Variants in IQCJ observed in about 807,000 individuals in gnomAD.
IQCJ encodes IQ motif containing J.
In IQCJ, 9 loss-of-function variants were observed where a neutral mutation model predicts 11.0. That is an observed-to-expected ratio of 0.82 (90% CI 0.49 to 1.43). The LOEUF (loss-of-function observed/expected upper bound fraction) is 1.43, where lower values mean the gene tolerates loss of function less well. Among genes scored for constraint, IQCJ ranks in the 40% most tolerant of loss-of-function variants. IQCJ has a pLI of 0.00. For missense variants in IQCJ, 146 were observed against 133.2 expected, an observed-to-expected ratio of 1.10 and a Z score of -0.47; for synonymous variants, 55 against 51.3, an observed-to-expected ratio of 1.07 and a Z score of -0.31.
intron 1 of IQCJ, among the ~76,000 whole-genome samples, chr3:159,182,588 T>A (rs1202226215): frequency 6.6e-6 from 1 of 151,802 alleles, no homozygotes; most frequent in African/African-American, 2.4e-5. Context: ...TTTTAAGGGC[T>A]CACAACTCTA....
chr3:159,134,724 C>G (rs1210455153), intron 1 of IQCJ, among the ~76,000 whole-genome samples: 1 of 152,126 alleles, frequency 6.6e-6, no homozygotes, highest in Non-Finnish European at 1.5e-5. Context: ...GAAGACCAGC[C>G]CCACTTCCAC....
intron 1 of IQCJ, among the ~76,000 whole-genome samples, chr3:159,146,839 A>T (rs1039871396): frequency 2.6e-5 from 4 of 152,250 alleles, no homozygotes; most frequent in Non-Finnish European, 5.9e-5. Flanking sequence ...TGATTCCATC[A>T]CATATTTCAG....
intron 1 of IQCJ, among the ~76,000 whole-genome samples, chr3:159,194,897 G>A (rs1451509851): frequency 6.6e-6 from 1 of 152,136 alleles, no homozygotes; most frequent in Non-Finnish European, 1.5e-5. Context: ...CAGACCATGA[G>A]GTTAGGAGTT....
chr3:159,139,598 G>T (rs538376411), intron 1 of IQCJ, among the ~76,000 whole-genome samples: 10 of 152,314 alleles, frequency 6.6e-5, no homozygotes, highest in Non-Finnish European at 1.3e-4. Context: ...GTGGTAACAA[G>T]TTGCCAGCTG....
chr3:159,177,633 A>G (rs1722865685), intron 1 of IQCJ, among the ~76,000 whole-genome samples: 3 of 152,102 alleles, frequency 2.0e-5, no homozygotes, highest in South Asian at 2.1e-4. Flanking sequence ...GCACAGGGGA[A>G]TTTTTTGAGG....
chr3:159,236,864 G>A (rs180680191), intron 1 of IQCJ, among the ~76,000 whole-genome samples: 1 of 152,268 alleles, frequency 6.6e-6, no homozygotes, highest in Admixed American at 6.5e-5. Context: ...AACGGATGGA[G>A]GGGAGCAGGT....
At chr3:159,142,669 C>T (rs1720689834) in intron 1 of IQCJ, among the ~76,000 whole-genome samples, 1 of 152,146 alleles carries the variant, frequency 6.6e-6, no homozygotes, top group East Asian at 1.9e-4. Context: ...CTACCTGCCT[C>T]AGCCTCCCAA....
At chr3:159,197,913 A>AT (rs999140936) in intron 1 of IQCJ, among the ~76,000 whole-genome samples, 6 of 151,662 alleles carry the variant, frequency 4.0e-5, no homozygotes, top group African/African-American at 9.7e-5. Flanking sequence ...CAAATCAAAA[A>AT]TTTTTTTTTA....
intron 1 of IQCJ, among the ~76,000 whole-genome samples, chr3:159,090,440 G>T (rs1245556920): frequency 6.6e-6 from 1 of 151,798 alleles, no homozygotes; most frequent in African/African-American, 2.4e-5. Context: ...CCTCACATAA[G>T]TTCTGTTTGT....
At chr3:159,126,043 G>A (rs1308921894) in intron 1 of IQCJ, among the ~76,000 whole-genome samples, 1 of 152,238 alleles carries the variant, frequency 6.6e-6, no homozygotes, top group African/African-American at 2.4e-5. Flanking sequence ...CTGGCATCTG[G>A]ATGGATTTTC....
At chr3:159,137,496 CAGATTT>C (rs1720364439) in intron 1 of IQCJ, among the ~76,000 whole-genome samples, 1 of 152,118 alleles carries the variant, frequency 6.6e-6, no homozygotes, top group Non-Finnish European at 1.5e-5. Flanking sequence ...CTTGAATTTT[CAGATTT>C]TTGTCAGATT....
chr3:159,121,137 T>C (rs907095334), intron 1 of IQCJ, among the ~76,000 whole-genome samples: 1 of 127,306 alleles, frequency 7.9e-6, no homozygotes, highest in Middle Eastern at 3.5e-3. Context: ...TTTTCTTTTT[T>C]CTTTTTTTTT....
downstream of IQCJ, chr3:159,265,504 T>C (rs571909487): frequency 1.1e-6 from 1 of 932,288 alleles, no homozygotes; most frequent in South Asian, 2.0e-5. Flanking sequence ...TGAGTCCATT[T>C]GGAACTTCTG....
intron 1 of IQCJ, among the ~76,000 whole-genome samples, chr3:159,227,706 C>G (rs1409343786): frequency 1.3e-5 from 2 of 152,110 alleles, no homozygotes; most frequent in Admixed American, 6.5e-5. Flanking sequence ...GAGGATTATT[C>G]CAGAGTTCTA....
intron 3 of IQCJ, among the ~76,000 whole-genome samples, chr3:159,261,199 G>T (rs1034003313): frequency 6.6e-6 from 1 of 152,188 alleles, no homozygotes; most frequent in African/African-American, 2.4e-5. Flanking sequence ...AAGAATTACA[G>T]AGATCAGATG....
intron 1 of IQCJ, among the ~76,000 whole-genome samples, chr3:159,156,767 G>A (rs889157954): frequency 1.3e-5 from 2 of 152,070 alleles, no homozygotes; most frequent in Non-Finnish European, 2.9e-5. Context: ...ATTTTCTTTA[G>A]AAGAAGGGTT....
chr3:159,195,583 C>CA (rs1723937671), intron 1 of IQCJ, among the ~76,000 whole-genome samples: 1 of 152,182 alleles, frequency 6.6e-6, no homozygotes, highest in Admixed American at 6.5e-5. Context: ...TCTTCCCAAA[C>CA]AGTACCTTAC....
rs953297976 is a variant in IQCJ at position 159,215,209 on chromosome 3, G to C, written c.10-30634G>C. On this transcript the variant is annotated intron_variant, in intron 1 of 3. Coordinates refer to ENST00000397832, the MANE Select transcript of IQCJ (RefSeq NM_001042706.3). ...CATGGAGAAATGTGGCTGAGACAAT[G>C]GAAGTATGAAGTAAGCATAATAAAC... Among the ~76,000 whole-genome samples, 4 of 152,116 alleles carry C rather than the reference G, an allele frequency of 2.6e-5. No individual in the cohort carries two copies. In the East Asian group the frequency reaches 7.7e-4, roughly 29 times the overall value.
intron 1 of IQCJ, among the ~76,000 whole-genome samples, chr3:159,112,357 C>A (rs1013901683): frequency 1.2e-4 from 19 of 152,258 alleles, no homozygotes; most frequent in African/African-American, 4.6e-4. Flanking sequence ...ACATCAGCAA[C>A]AACAATGCCA....
Sources: allele counts gnomAD v4.1 joint callset (sites outside exome capture counted in the v4.1 genomes callset), GRCh38; gene constraint gnomAD v4.1.1; transcripts MANE v1.5; gene names NCBI Gene and HGNC (gene_info 2026-07-23, HGNC 2026-07-21).